Variants in SULT1C3 observed in about 807,000 individuals in gnomAD.
The protein encoded by SULT1C3 is sulfotransferase 1C3.
SULT1C3 carries 31 observed loss-of-function variants against 28.4 expected under a neutral mutation model. The observed-to-expected ratio is 1.09, with a 90% CI of 0.82 to 1.47. The LOEUF is 1.47. Among genes scored for constraint, SULT1C3 ranks in the 40% most tolerant of loss-of-function variants. SULT1C3 has a pLI of 0.00. For synonymous variants in SULT1C3, 106 were observed against 92.2 expected (o/e 1.15, Z -0.86); for missense variants, 307 against 272.5 (o/e 1.13, Z -0.89).
At chr2:108,261,160 G>A (rs1676017957), downstream of SULT1C3, among the ~76,000 whole-genome samples, 1 of 152,078 alleles carries the variant, frequency 6.6e-6, no homozygotes, top group Non-Finnish European at 1.5e-5. Flanking sequence ...CACCATTTCT[G>A]TAATAGAATG....
At chr2:108,251,968 A>G (rs981466133) in intron 2 of SULT1C3, among the ~76,000 whole-genome samples, 1 of 152,048 alleles carries the variant, frequency 6.6e-6, no homozygotes, top group Admixed American at 6.6e-5. Context: ...CATTTTTGGC[A>G]TGAAGTGTCA....
chr2:108,264,282 G>A (rs1676083268), downstream of SULT1C3, among the ~76,000 whole-genome samples: 1 of 152,132 alleles, frequency 6.6e-6, no homozygotes, highest in South Asian at 2.1e-4. Context: ...CTCTCTTTCT[G>A]TATCTCTTTG....
chr2:108,264,690 G>T (rs146731721), downstream of SULT1C3: 2 of 881,182 alleles, frequency 2.3e-6, no homozygotes, highest in African/African-American at 3.4e-5. Flanking sequence ...GGCACTAGGA[G>T]TCACTTGAGA....
chr2:108,251,023 T>C (rs180690913), intron 2 of SULT1C3, among the ~76,000 whole-genome samples: 2 of 152,198 alleles, frequency 1.3e-5, no homozygotes, highest in Admixed American at 1.3e-4. Flanking sequence ...TTCTATTCTA[T>C]GTAATTTTTA....
chr2:108,246,360 G>A (rs539834451), intron 1 of SULT1C3, among the ~76,000 whole-genome samples: 1 of 152,206 alleles, frequency 6.6e-6, no homozygotes, highest in Admixed American at 6.5e-5. Context: ...ACCTGAGACT[G>A]GGCAATTTAA....
chr2:108,265,131 T>C, downstream of SULT1C3: 1 of 1,456,066 alleles, frequency 6.9e-7, no homozygotes, highest in Non-Finnish European at 9.3e-7. Flanking sequence ...GTACAACCTT[T>C]GAGAGGCAAG....
downstream of SULT1C3, among the ~76,000 whole-genome samples, chr2:108,262,145 A>G (rs1676039108): frequency 6.6e-6 from 1 of 152,084 alleles, no homozygotes; most frequent in Admixed American, 6.6e-5. Context: ...AGGTATAGCA[A>G]GAAAAAAAGA....
chr2:108,255,459 CT>C, intron 4 of SULT1C3, 112 bp from the exon 5 acceptor site: 1 of 1,243,800 alleles, frequency 8.0e-7, no homozygotes, highest in Non-Finnish European at 1.1e-6. Context: ...ACTAATGTAT[CT>C]AATGCTATAA....
intron 1 of SULT1C3, among the ~76,000 whole-genome samples, chr2:108,241,106 A>G (rs1292156985): frequency 6.6e-6 from 1 of 152,248 alleles, no homozygotes; most frequent in Non-Finnish European, 1.5e-5. Flanking sequence ...CTGACTGACC[A>G]GAGGTTAGGA....
chr2:108,245,845 C>T (rs1253455552), intron 1 of SULT1C3, among the ~76,000 whole-genome samples: 1 of 152,164 alleles, frequency 6.6e-6, no homozygotes, highest in South Asian at 2.1e-4. Flanking sequence ...ATTTTCTTTT[C>T]TATTGCATTG....
downstream of SULT1C3, among the ~76,000 whole-genome samples, chr2:108,262,584 T>C (rs983511617): frequency 2.6e-5 from 4 of 152,188 alleles, no homozygotes; most frequent in African/African-American, 4.8e-5. Context: ...TTAAGAACTG[T>C]AAGGTTTGAG....
downstream of SULT1C3, chr2:108,265,087 T>A (rs1168340881): frequency 1.3e-6 from 2 of 1,490,866 alleles, no homozygotes; most frequent in African/African-American, 2.8e-5. Flanking sequence ...TAATGTTTCA[T>A]TCTCCATTAT....
downstream of SULT1C3, among the ~76,000 whole-genome samples, chr2:108,261,712 T>C (rs1558667598): frequency 6.6e-6 from 1 of 152,072 alleles, no homozygotes; most frequent in East Asian, 1.9e-4. Flanking sequence ...TCAATTAACA[T>C]CTTGAAAGGG....
chr2:108,247,468 T>G, intron 2 of SULT1C3, 102 bp downstream of exon 2: 1 of 1,119,048 alleles, frequency 8.9e-7, no homozygotes, highest in Non-Finnish European at 1.2e-6. Context: ...AGAGAAACAA[T>G]TCCTCATTAT....
At chr2:108,250,871 A>T (rs1389415791) in intron 2 of SULT1C3, among the ~76,000 whole-genome samples, 1 of 152,072 alleles carries the variant, frequency 6.6e-6, no homozygotes, top group African/African-American at 2.4e-5. Flanking sequence ...TATTGACAAA[A>T]ACATAGATCA....
At position 108,260,594 on chromosome 2, in the gene SULT1C3, T is replaced by G; in HGVS notation, c.829T>G (p.Phe277Val). 1 of 514,490 alleles carries G rather than the reference T, an allele frequency of 1.9e-6. No homozygotes were observed. The highest frequency in any genetic ancestry group is 3.9e-6 in the Non-Finnish European group (1 of 257,936). 31.9% of individuals were successfully genotyped at this position (514,490 alleles called of 1,614,324 possible). The change falls in exon 8 of 8, where the codon TTT becomes GTT. Residue 277 changes from phenylalanine to valine, a missense_variant. Transcript: ENST00000681802. ...GATGCCTGGAGACTGGAAGAACCAC[T>G]TTACTGTGGCTTTGAATGAGAACTT... ...KGMPGDWKNH[F>V]TVALNENFDK...
intron 6 of SULT1C3, 55 bp downstream of exon 6, chr2:108,258,883 T>C: frequency 1.4e-6 from 2 of 1,414,624 alleles, no homozygotes; most frequent in Non-Finnish European, 2.0e-6. Context: ...GACAATGTTA[T>C]TCTGTTAAAA....
chr2:108,258,751 T>G lies in SULT1C3; in HGVS notation c.544T>G (p.Phe182Val). Residue 182 changes from phenylalanine (F) to valine (V), a missense_variant, in exon 6 of 8, where the codon TTT (phenylalanine) becomes GTT (valine). Coordinates refer to ENST00000681802, the MANE Select transcript of SULT1C3 (RefSeq NM_001320878.2). ...MSGKVVGGSW[F>V]DHVKGWWAAK... ...TCTTCCAGTTGTTGGCGGGTCCTGG[T>G]TTGACCATGTGAAAGGATGGTGGGC... 1 of 1,612,772 alleles carries G rather than the reference T, an allele frequency of 6.2e-7. No individual in the cohort carries two copies. The highest frequency in any genetic ancestry group is 1.3e-5 in the African/African-American group (1 of 74,956).
intron 1 of SULT1C3, among the ~76,000 whole-genome samples, chr2:108,241,090 A>G (rs1324843770): frequency 6.6e-6 from 1 of 152,232 alleles, no homozygotes; most frequent in Admixed American, 6.5e-5. Context: ...TTAGAAAGTG[A>G]CATTCCTGAC....
Sources: allele counts gnomAD v4.1 joint callset (sites outside exome capture counted in the v4.1 genomes callset), GRCh38; gene constraint gnomAD v4.1.1; transcripts MANE v1.5; gene names NCBI Gene and HGNC (gene_info 2026-07-23, HGNC 2026-07-21).